The following GLB1L3 variants were observed in gnomAD, a reference collection of about 807,000 sequenced individuals.
GLB1L3 encodes galactosidase beta 1 like 3.
GLB1L3 carries 89 observed loss-of-function variants against 89.5 expected under a neutral mutation model. The ratio of observed to expected loss-of-function variants is 0.99; its 90% CI spans 0.84 to 1.19. GLB1L3 has a LOEUF of 1.19. Ranked by LOEUF, GLB1L3 falls within the 50% of genes most tolerant of loss-of-function variation. GLB1L3 has a pLI of 0.00. For missense variants in GLB1L3, 812 were observed against 813.3 expected (o/e 1.00, Z 0.02); for synonymous variants, 314 against 312.3 (o/e 1.01, Z -0.06).
intron 6 of GLB1L3, chr11:134,287,456 AT>A (rs986276202): frequency 2.0e-4 from 31 of 152,168 alleles, no homozygotes; most frequent in African/African-American, 7.0e-4. Flanking sequence ...TGTAAAAATA[AT>A]TTTTAGAGTG....
Position 134,276,659 on chromosome 11 carries a change from A to T in GLB1L3, c.-82A>T. The T allele has an allele frequency of 8.0e-7, 1 of 1,246,688 alleles. No individual in the cohort carries two copies. The allele number at this position is 1,246,688 out of a possible 1,614,324, so 77.2% of individuals were successfully genotyped here. A position where few individuals can be genotyped will look rare whatever the true frequency, so the allele number is the denominator to read the frequency against. On this transcript the variant is annotated 5_prime_UTR_variant, in exon 1 of 20. Transcript: ENST00000431683. ...GCCTGCCCCGCGGAACCGGGGCTCGAGTCCCGGCCCGAGCGCGGCGTCGGG... is the reference window on the plus strand; with the variant it reads ...GCCTGCCCCGCGGAACCGGGGCTCGTGTCCCGGCCCGAGCGCGGCGTCGGG...
In GLB1L3 at chr11:134,277,440, G is replaced by A. The variant is rs1369701980; in HGVS notation, c.138G>A (p.Pro46=). 6 of 1,612,762 alleles carry A rather than the reference G, an allele frequency of 3.7e-6. No individual in the cohort carries two copies. Among genetic ancestry groups the A allele is most frequent in the Non-Finnish European group, 4.2e-6 (5 of 1,179,270 alleles). ...ACTTCATGCTTGGAAGAGCGCATCCGTCCCAGCCTAGGTTTGCTTGAGAGC... is the reference window on the plus strand; with the variant it reads ...ACTTCATGCTTGGAAGAGCGCATCCATCCCAGCCTAGGTTTGCTTGAGAGC... ...EENFMLGRAH[P]SQPRFNWSHL... is the part of the protein sequence containing the mutation. Residue 46 remains proline (P), a synonymous_variant, in exon 2 of 20, where the codon CCG becomes CCA. Coordinates refer to ENST00000431683, the MANE Select transcript of GLB1L3 (RefSeq NM_001080407.3).
chr11:134,310,065 G>A, intron 11 of GLB1L3: 1 of 462,636 alleles, frequency 2.2e-6, no homozygotes, highest in South Asian at 2.8e-5. Context: ...TAAAGGCACA[G>A]ACCTGCACGG....
At chr11:134,281,057 A>G (rs1940657879) in intron 3 of GLB1L3, among the ~76,000 whole-genome samples, 1 of 152,196 alleles carries the variant, frequency 6.6e-6, no homozygotes, top group Admixed American at 6.5e-5. Context: ...AGATGTAGAC[A>G]TTTTTGTTTT....
intron 10 of GLB1L3, 62 bp downstream of exon 10, chr11:134,307,270 T>G: frequency 6.0e-6 from 7 of 1,170,984 alleles, no homozygotes; most frequent in Non-Finnish European, 8.8e-6. Flanking sequence ...GAGAACTCAT[T>G]CATACAGTTC....
At chr11:134,293,810 G>A (rs1258484429) in intron 9 of GLB1L3, among the ~76,000 whole-genome samples, 2 of 152,108 alleles carry the variant, frequency 1.3e-5, no homozygotes, top group Non-Finnish European at 2.9e-5. Flanking sequence ...CCTGGTCACA[G>A]TCTCCTCTGC....
chr11:134,308,181 T>TCACCATCATCATCACCAC (rs1942305866), intron 10 of GLB1L3, among the ~76,000 whole-genome samples: 2 of 80,572 alleles, frequency 2.5e-5, no homozygotes, highest in African/African-American at 1.2e-4. Flanking sequence ...ACCACCACCA[T>TCACCATCATCATCACCAC]CACCATCATC....
At position 134,309,712 on chromosome 11, in the gene GLB1L3, A is replaced by G. The variant is rs759473258; in HGVS notation, c.1048A>G (p.Met350Val). ...MFHGGTNFGF[M>V]NGATYFGKHS... Reference sequence around the variant, plus strand: ...CCATGGTGGAACCAACTTTGGTTTCATGAACGGGGCCACATATTTCGGGAA... The same window carrying G: ...CCATGGTGGAACCAACTTTGGTTTCGTGAACGGGGCCACATATTTCGGGAA... Residue 350 changes from methionine to valine, a missense_variant, in exon 11 of 20, where the codon ATG (methionine) becomes GTG (valine). Around this residue, in one of 3 missense-constraint regions of GLB1L3, gnomAD observed 618 missense variants for 604.0 expected, o/e 1.02. Coordinates refer to ENST00000431683, the MANE Select transcript of GLB1L3 (RefSeq NM_001080407.3). 4 of 1,613,584 alleles carry G rather than the reference A, an allele frequency of 2.5e-6. No individual in the cohort carries two copies. Among genetic ancestry groups the G allele is most frequent in the Middle Eastern group, 1.6e-4 (1 of 6,062 alleles).
intron 10 of GLB1L3, among the ~76,000 whole-genome samples, chr11:134,308,851 A>G (rs955190906): frequency 2.6e-5 from 4 of 152,254 alleles, no homozygotes; most frequent in Non-Finnish European, 5.9e-5. Context: ...GAAAGAAAAT[A>G]GGTTGCCCCA....
At chr11:134,296,865 AAAC>A (rs1941682360) in intron 9 of GLB1L3, among the ~76,000 whole-genome samples, 1 of 73,382 alleles carries the variant, frequency 1.4e-5, no homozygotes, top group Non-Finnish European at 3.2e-5. Flanking sequence ...ATAATAATAA[AAAC>A]AAACAAACAA....
chr11:134,309,960 C>G (rs78003704), intron 11 of GLB1L3, 197 bp downstream of exon 11: 1 of 609,412 alleles, frequency 1.6e-6, no homozygotes, highest in East Asian at 2.8e-5. Flanking sequence ...GTAGACAGGG[C>G]TTTCCGGGAC....
At chr11:134,309,974 G>C (rs901435364) in intron 11 of GLB1L3, 1 of 587,930 alleles carries the variant, frequency 1.7e-6, no homozygotes, top group East Asian at 2.9e-5. Context: ...CCGGGACTTA[G>C]AGCTCCGCTT....
intron 10 of GLB1L3, among the ~76,000 whole-genome samples, chr11:134,307,935 A>G (rs2136196502): frequency 6.6e-6 from 1 of 152,324 alleles, no homozygotes; most frequent in Non-Finnish European, 1.5e-5. Flanking sequence ...AGCTGTTATG[A>G]AAACAAGGCC....
rs375343960 is a variant in GLB1L3 at position 134,282,053 on chromosome 11, G to A, written c.460G>A (p.Gly154Arg). Residue 154 changes from glycine to arginine, a missense_variant, in exon 5 of 20, where the codon GGG becomes AGG. Coordinates refer to ENST00000431683, the MANE Select transcript of GLB1L3 (RefSeq NM_001080407.3). ...EAFVLMAAEIGLWVILRPGRY... is the reference protein window; with the variant it reads ...EAFVLMAAEIRLWVILRPGRY... ...CTTCGTCCTGATGGCCGCAGAGATCGGGCTGTGGGTGATTCTGCGTCCAGG... is the reference window on the plus strand; with the variant it reads ...CTTCGTCCTGATGGCCGCAGAGATCAGGCTGTGGGTGATTCTGCGTCCAGG... The A allele has an allele frequency of 1.7e-5, 26 of 1,568,140 alleles. No homozygotes were observed. Among genetic ancestry groups the A allele is most frequent in the Middle Eastern group, 1.9e-4 (1 of 5,168 alleles).
intron 18 of GLB1L3, 90 bp downstream of exon 18, chr11:134,314,531 A>C (rs981182253): frequency 1.2e-6 from 1 of 801,510 alleles, no homozygotes; most frequent in Non-Finnish European, 2.1e-6. Flanking sequence ...CTGGAGGAAT[A>C]CTTCCCTTTC....
intron 9 of GLB1L3, among the ~76,000 whole-genome samples, chr11:134,295,808 T>G (rs1297650957): frequency 6.6e-6 from 1 of 152,192 alleles, no homozygotes; most frequent in Non-Finnish European, 1.5e-5. Flanking sequence ...TGGGCTGTGT[T>G]TTCATTGAGT....
At chr11:134,324,596 G>A in the GLB1L3 span, among the ~76,000 whole-genome samples, 69 of 152,076 alleles carry the variant, frequency 4.5e-4, no homozygotes, top group African/African-American at 1.5e-3. Flanking sequence ...TTTGTACCTT[G>A]TCTGTTCTTT....
chr11:134,276,625 C>T lies in GLB1L3; in HGVS notation c.-116C>T. The T allele has an allele frequency of 2.1e-6, 2 of 962,782 alleles. No homozygotes were observed. Among genetic ancestry groups the T allele is most frequent in the South Asian group, 3.4e-5 (1 of 28,988 alleles). 59.6% of individuals were successfully genotyped at this position (962,782 alleles called of 1,614,324 possible). A position where few individuals can be genotyped will look rare whatever the true frequency, so the allele number is the denominator to read the frequency against. ...CTGCCTCGGCTGCAGGCGCAGCGCGCAGACCTGAGCCTGCCCCGCGGAACC... is the reference window on the plus strand; with the variant it reads ...CTGCCTCGGCTGCAGGCGCAGCGCGTAGACCTGAGCCTGCCCCGCGGAACC... On this transcript the variant is annotated 5_prime_UTR_variant, in exon 1 of 20. Coordinates refer to ENST00000431683, the MANE Select transcript of GLB1L3 (RefSeq NM_001080407.3).
At position 134,299,832 on chromosome 11, in the gene GLB1L3, G is replaced by A. The variant is rs950592831; in HGVS notation, c.876+6623G>A. Among the ~76,000 whole-genome samples, 6 of 152,094 alleles carry A rather than the reference G, an allele frequency of 3.9e-5. No homozygotes were observed. In the East Asian group the frequency reaches 7.7e-4, roughly 20 times the overall value. On this transcript the variant is annotated intron_variant, in intron 9 of 19. Transcript: ENST00000431683. ...GCTCCTACCCAGCTCTTCTTCTAGC[G>A]GCAGATCTGATCCTAGCATGTGTTC...
Sources: allele counts gnomAD v4.1 joint callset (sites outside exome capture counted in the v4.1 genomes callset), GRCh38; gene constraint gnomAD v4.1.1; regional missense constraint gnomAD v4.1.1; transcripts MANE v1.5; gene names NCBI Gene and HGNC (gene_info 2026-07-23, HGNC 2026-07-21).